The following STARD13 variants were observed in gnomAD, a reference collection of about 807,000 sequenced individuals.
STARD13 encodes the protein StAR related lipid transfer domain containing 13.
A neutral mutation model predicts 106.4 loss-of-function variants in STARD13; 62 were observed. The observed-to-expected ratio is 0.58, with a 90% confidence interval of 0.48 to 0.72. The LOEUF is 0.72. Among genes scored for constraint, STARD13 ranks in the 30% least tolerant of loss-of-function variants. The pLI, the probability that STARD13 is intolerant of heterozygous loss-of-function variation, is 0.00. For synonymous variants in STARD13, 565 were observed against 553.0 expected, an observed-to-expected ratio of 1.02 and a Z score of -0.31; for missense variants, 1,387 against 1,424.0, an observed-to-expected ratio of 0.97 and a Z score of 0.42.
the STARD13 span, among the ~76,000 whole-genome samples, chr13:33,480,063 G>C: frequency 6.6e-6 from 1 of 152,214 alleles, no homozygotes; most frequent in East Asian, 1.9e-4. Flanking sequence ...AAGATCAAGA[G>C]AGGGAGAAGG....
chr13:33,514,768 T>A, the STARD13 span, among the ~76,000 whole-genome samples: 1 of 152,050 alleles, frequency 6.6e-6, no homozygotes, highest in Non-Finnish European at 1.5e-5. Context: ...ATACCATGGA[T>A]TCCAAACAGT....
chr13:33,378,884 C>G, the STARD13 span, among the ~76,000 whole-genome samples: 1 of 151,372 alleles, frequency 6.6e-6, no homozygotes, highest in South Asian at 2.1e-4. Context: ...CTGAGGCAGG[C>G]AGATAGCTTG....
At chr13:33,627,678 T>A in the STARD13 span, among the ~76,000 whole-genome samples, 1 of 151,786 alleles carries the variant, frequency 6.6e-6, no homozygotes, top group African/African-American at 2.4e-5. Flanking sequence ...CAAGATAGGT[T>A]GAGATTGTCC....
At chr13:33,656,392 T>A in the STARD13 span, among the ~76,000 whole-genome samples, 2 of 152,264 alleles carry the variant, frequency 1.3e-5, no homozygotes, top group African/African-American at 2.4e-5. Flanking sequence ...TTCTACGATG[T>A]TTAATATATT....
At chr13:33,602,371 G>A in the STARD13 span, among the ~76,000 whole-genome samples, 3 of 152,162 alleles carry the variant, frequency 2.0e-5, no homozygotes, top group African/African-American at 7.2e-5. Flanking sequence ...GATTGCAGGC[G>A]TGAGCCACCA....
At chr13:33,106,367 G>A (rs1373482310) in intron 13 of STARD13, among the ~76,000 whole-genome samples, 3 of 152,206 alleles carry the variant, frequency 2.0e-5, no homozygotes, top group Non-Finnish European at 2.9e-5. Context: ...GTTGCAGTGA[G>A]CCCTGATGGT....
chr13:33,536,655 A>G, the STARD13 span, among the ~76,000 whole-genome samples: 5 of 152,198 alleles, frequency 3.3e-5, no homozygotes, highest in Non-Finnish European at 4.4e-5. Context: ...CAATCTGAAA[A>G]GCAGAATTAA....
chr13:33,578,611 A>T, the STARD13 span, among the ~76,000 whole-genome samples: 2 of 152,074 alleles, frequency 1.3e-5, no homozygotes, highest in Non-Finnish European at 2.9e-5. Flanking sequence ...TATGATTAAG[A>T]CCCCAAAATC....
At chr13:33,215,119 TG>T (rs71196512) in intron 1 of STARD13, among the ~76,000 whole-genome samples, 28,627 of 75,234 alleles carry the variant, frequency 0.38, 2,799 homozygotes, top group Middle Eastern at 0.49. Flanking sequence ...AATGAGTACT[TG>T]GGGGGGGGGG....
chr13:33,611,764 A>G, the STARD13 span, among the ~76,000 whole-genome samples: 1 of 152,230 alleles, frequency 6.6e-6, no homozygotes, highest in Non-Finnish European at 1.5e-5. Flanking sequence ...GGCTTGAAAT[A>G]AAAACTTCTT....
chr13:33,605,999 C>G, the STARD13 span, among the ~76,000 whole-genome samples: 11,115 of 152,096 alleles, frequency 0.073, 431 homozygotes, highest in Admixed American at 0.092. Context: ...TCAGATGCCT[C>G]AACTGAAAAA....
the STARD13 span, among the ~76,000 whole-genome samples, chr13:33,587,858 A>T: frequency 6.6e-6 from 1 of 152,386 alleles, no homozygotes. Context: ...TAGTCTAAAA[A>T]GAAGTGTATA....
intron 7 of STARD13, among the ~76,000 whole-genome samples, chr13:33,125,123 G>A (rs924795853): frequency 6.6e-6 from 1 of 152,140 alleles, no homozygotes; most frequent in Non-Finnish European, 1.5e-5. Context: ...TCTAAGTGTG[G>A]TCTCAGTATT....
Position 33,104,901 on chromosome 13 carries a change from C to T in STARD13, c.*692G>A, listed in dbSNP as rs1318311608. Reference sequence around the variant, plus strand: ...TAATGACTTCTCACCCCCCCATTTGCTTTAAGGAGGAGTAATTATTATTTC... The same window carrying T: ...TAATGACTTCTCACCCCCCCATTTGTTTTAAGGAGGAGTAATTATTATTTC... On this transcript the variant is annotated 3_prime_UTR_variant, in exon 14 of 14. Coordinates refer to ENST00000336934, the MANE Select transcript of STARD13 (RefSeq NM_178006.4). 6.5e-6 allele frequency: 1 copy of T among 153,470 alleles called. No homozygotes were observed. The highest frequency in any genetic ancestry group is 2.4e-5 in the African/African-American group (1 of 41,436). 9.5% of individuals were successfully genotyped at this position (153,470 alleles called of 1,614,324 possible).
intron 1 of STARD13, among the ~76,000 whole-genome samples, chr13:33,308,568 G>A (rs1472912411): frequency 8.5e-6 from 1 of 117,722 alleles, no homozygotes; most frequent in Non-Finnish European, 1.6e-5. Context: ...TTATCGCCCA[G>A]GCTGGAGAGC....
At chr13:33,143,462 T>C (rs1880113410) in intron 3 of STARD13, among the ~76,000 whole-genome samples, 1 of 152,254 alleles carries the variant, frequency 6.6e-6, no homozygotes. Context: ...CCAATAATCA[T>C]TCAGCTTAGT....
At chr13:33,527,660 G>C in the STARD13 span, among the ~76,000 whole-genome samples, 1 of 151,430 alleles carries the variant, frequency 6.6e-6, no homozygotes, top group Non-Finnish European at 1.5e-5. Context: ...GTTCTGTTCA[G>C]AATAAAAGAA....
At chr13:33,600,128 A>C in the STARD13 span, among the ~76,000 whole-genome samples, 1 of 152,208 alleles carries the variant, frequency 6.6e-6, no homozygotes, top group Non-Finnish European at 1.5e-5. Flanking sequence ...CCTGTATCAA[A>C]TTGTGAAGAA....
rs1284564184 is a variant in STARD13 at position 33,103,753 on chromosome 13, G to A, written c.*1840C>T. 1 of 152,312 alleles carries A rather than the reference G, an allele frequency of 6.6e-6. No homozygotes were observed. The highest frequency in any genetic ancestry group is 1.5e-5 in the Non-Finnish European group (1 of 68,044). 9.4% of individuals were successfully genotyped at this position (152,312 alleles called of 1,614,324 possible). A position where few individuals can be genotyped will look rare whatever the true frequency, so the allele number is the denominator to read the frequency against. On this transcript the variant is annotated 3_prime_UTR_variant, in exon 14 of 14. Coordinates refer to ENST00000336934, the MANE Select transcript of STARD13 (RefSeq NM_178006.4). ...CCAAACACATAGGATCCCATCTCAG[G>A]AGCAGGACCAGTGTTTAGCTAGATT... is the stretch of plus-strand genomic sequence containing the variant.
Sources: allele counts gnomAD v4.1 joint callset (sites outside exome capture counted in the v4.1 genomes callset), GRCh38; gene constraint gnomAD v4.1.1; transcripts MANE v1.5; gene names NCBI Gene and HGNC (gene_info 2026-07-23, HGNC 2026-07-21).